The following SRP68 variants were observed in gnomAD, a reference collection of about 807,000 sequenced individuals.
SRP68 encodes the protein signal recognition particle 68.
SRP68 carries 15 observed loss-of-function variants against 82.2 expected under a neutral mutation model. The ratio of observed to expected loss-of-function variants is 0.18; its 90% CI spans 0.12 to 0.28. The LOEUF is 0.28. Ranked by LOEUF, SRP68 falls within the 10% of genes least tolerant of loss-of-function variation. The pLI, the probability that SRP68 is intolerant of heterozygous loss-of-function variation, is 1.00. For synonymous variants in SRP68, 261 were observed against 292.6 expected (o/e 0.89, Z 1.10); for missense variants, 595 against 780.5 (o/e 0.76, Z 2.83).
At chr17:76,062,106 GA>G (rs2066756685) in intron 4 of SRP68, among the ~76,000 whole-genome samples, 1 of 151,982 alleles carries the variant, frequency 6.6e-6, no homozygotes, top group African/African-American at 2.4e-5. Context: ...CCAACATGGT[GA>G]AAACCTGTCT....
Position 76,040,662 on chromosome 17 carries a change from G to A in SRP68, c.1601-188C>T, listed in dbSNP as rs16968456. 3.8e-3 allele frequency: 2,611 copies of A among 684,670 alleles called. 61 individuals carry two copies. The Admixed American group carries it at 0.044, about 12-fold the overall frequency. 42.4% of individuals were successfully genotyped at this position (684,670 alleles called of 1,614,324 possible). On this transcript the variant is annotated intron_variant, in intron 14 of 15. Transcript: ENST00000307877. Reference sequence around the variant, plus strand: ...GATCAATCCCAGATCCAATGCCGTCGGCCCAGTGAAGCCAGCACAGTTGCA... The same window carrying A: ...GATCAATCCCAGATCCAATGCCGTCAGCCCAGTGAAGCCAGCACAGTTGCA...
chr17:76,058,258 A>G (rs2066726396), intron 7 of SRP68, among the ~76,000 whole-genome samples: 1 of 151,282 alleles, frequency 6.6e-6, no homozygotes. Flanking sequence ...AGTAGCTGGG[A>G]TTAGAGGCCT....
At position 76,069,313 on chromosome 17, in the gene SRP68, G is replaced by A. The variant is rs149958307; in HGVS notation, c.251+1065C>T. Among the ~76,000 whole-genome samples, 35 of 151,956 alleles carry A rather than the reference G, an allele frequency of 2.3e-4. No homozygotes were observed. The East Asian group carries it at 5.2e-3, about 23-fold the overall frequency. ...TGAGGCAGGAGAACTGCTTGAACCC[G>A]GAAGGCGGAGGTTGCAGTACACCGA... On this transcript the variant is annotated intron_variant, in intron 2 of 15. Transcript: ENST00000307877.
At chr17:76,052,736 G>A (rs1031765232) in intron 8 of SRP68, among the ~76,000 whole-genome samples, 2 of 151,194 alleles carry the variant, frequency 1.3e-5, no homozygotes, top group Non-Finnish European at 2.9e-5. Flanking sequence ...CCCGGGAGGC[G>A]GAGGTTTCAG....
chr17:76,069,943 G>A (rs1255834991), intron 2 of SRP68, among the ~76,000 whole-genome samples: 1 of 151,552 alleles, frequency 6.6e-6, no homozygotes, highest in African/African-American at 2.4e-5. Flanking sequence ...CAGGCATGGT[G>A]GCACATGCCT....
Position 76,060,355 on chromosome 17 carries a change from T to G in SRP68, c.790A>C (p.Arg264=). The change falls in exon 7 of 16, where the codon AGA becomes CGA. Residue 264 remains arginine, a synonymous_variant. Transcript: ENST00000307877. The part of the protein sequence containing the change: ...QSAINELMQM[R]LRSGGTEGLL... ...CCCTCAGTGCCCCCAGACCTCAATC[T>G]CATCTGCATGAGTTCATTGATGGCT... is the stretch of plus-strand genomic sequence containing the variant. 4.3e-6 allele frequency: 7 copies of G among 1,611,856 alleles called. No homozygotes were observed. Among genetic ancestry groups the G allele is most frequent in the Non-Finnish European group, 5.9e-6 (7 of 1,179,630 alleles).
rs2066774100 is a variant in SRP68 at position 76,062,740 on chromosome 17, T to TATATATAAA, written c.562-1167_562-1166insTTTATATAT. Among the ~76,000 whole-genome samples the TATATATAAA allele has an allele frequency of 1.8e-4, 4 of 21,906 alleles. 1 individual carries two copies. The highest frequency in any genetic ancestry group is 1.3e-3 in the African/African-American group (4 of 3,156). 14.4% of individuals were successfully genotyped at this position (21,906 alleles called of 152,430 possible). A position where few individuals can be genotyped will look rare whatever the true frequency, so the allele number is the denominator to read the frequency against. On this transcript the variant is annotated intron_variant, in intron 4 of 15. Transcript: ENST00000307877. ...ATATTATATTTATTTTATATATATA[T>TATATATAAA]ATATATATATATATATATATATATA...
At chr17:76,053,483 A>C in intron 8 of SRP68, 1 of 985,364 alleles carries the variant, frequency 1.0e-6, no homozygotes, top group African/African-American at 1.7e-5. Flanking sequence ...TCCTGTCGGT[A>C]GGGTACAGTT....
chr17:76,039,629 A>G lies in SRP68; in HGVS notation c.*77T>C, dbSNP rs1291547290. On this transcript the variant is annotated 3_prime_UTR_variant, in exon 16 of 16. Coordinates refer to ENST00000307877, the MANE Select transcript of SRP68 (RefSeq NM_014230.4). Reference sequence around the variant, plus strand: ...GGGCCAATGCAGACCTGGATTTAATATCATGGAACTTGCTGGGATTTTCTC... The same window carrying G: ...GGGCCAATGCAGACCTGGATTTAATGTCATGGAACTTGCTGGGATTTTCTC... 7.0e-7 allele frequency: 1 copy of G among 1,420,286 alleles called. No individual in the cohort carries two copies. The highest frequency in any genetic ancestry group is 9.7e-7 in the Non-Finnish European group (1 of 1,027,540). 88.0% of individuals were successfully genotyped at this position (1,420,286 alleles called of 1,614,324 possible).
In SRP68 at chr17:76,072,273, A is replaced by G. The variant is rs1044722110; in HGVS notation, c.184+35T>C. On this transcript the variant is annotated intron_variant, in intron 1 of 15. Transcript: ENST00000307877. The surrounding 1 kb of genome is among the most constrained non-coding windows in gnomAD (Gnocchi z 4.5). ...CCCCAGCCCTCCAGTTCGACACGTA[A>G]TCATTGCGAGTTAGGCCCGATTACT... 2 of 1,604,842 alleles carry G rather than the reference A, an allele frequency of 1.2e-6. No homozygotes were observed. Among genetic ancestry groups the G allele is most frequent in the Non-Finnish European group, 1.7e-6 (2 of 1,177,170 alleles).
intron 3 of SRP68, among the ~76,000 whole-genome samples, chr17:76,064,390 T>G (rs1300736666): frequency 6.6e-6 from 1 of 152,154 alleles, no homozygotes. Flanking sequence ...TAGACACATC[T>G]CATTGAAAAG....
At chr17:76,047,087 G>A (rs778515026) in intron 10 of SRP68, among the ~76,000 whole-genome samples, 4 of 152,190 alleles carry the variant, frequency 2.6e-5, no homozygotes, top group East Asian at 1.9e-4. Context: ...GGCAAGGGCC[G>A]CAGGGAGCTT....
chr17:76,043,622 T>C, intron 13 of SRP68: 1 of 367,774 alleles, frequency 2.7e-6, no homozygotes, highest in South Asian at 7.6e-5. Flanking sequence ...CCTTCCCTTC[T>C]TCATACCTAA....
chr17:76,044,685 C>CA (rs1329437143), intron 12 of SRP68: 8 of 152,404 alleles, frequency 5.2e-5, no homozygotes, highest in Admixed American at 5.2e-4. Context: ...AACACCCTTT[C>CA]AAGGCGTGCC....
intron 14 of SRP68, 107 bp from the exon 15 acceptor site, chr17:76,040,581 GC>G: frequency 9.0e-7 from 1 of 1,108,200 alleles, no homozygotes; most frequent in Non-Finnish European, 1.4e-6. Context: ...AGCAAAAGGA[GC>G]CAGCATGTGG....
rs2066788358 is a variant in SRP68, at chr17:76,064,003, C to T, written c.534G>A (p.Val178=). 1 of 1,613,842 alleles carries T rather than the reference C, an allele frequency of 6.2e-7. No individual in the cohort carries two copies. The highest frequency in any genetic ancestry group is 1.1e-5 in the South Asian group (1 of 91,060). ...GAGCCTCTAATTTGGTCTTGGCATC[C>T]ACGCGATTGCTCTCACACAAGCGTT... is the stretch of plus-strand genomic sequence containing the variant. ...ELERLCESNR[V]DAKTKLEAQA... Residue 178 remains valine (V), a synonymous_variant, in exon 4 of 16, where the codon GTG becomes GTA. Transcript: ENST00000307877.
At chr17:76,061,000 G>GC (rs2066748503) in intron 6 of SRP68, 110 bp downstream of exon 6, 1 of 740,856 alleles carries the variant, frequency 1.3e-6, no homozygotes. Context: ...AATGATGGAG[G>GC]CAAGCGAAGA....
intron 7 of SRP68, among the ~76,000 whole-genome samples, chr17:76,058,843 C>T (rs2066730356): frequency 6.6e-6 from 1 of 152,164 alleles, no homozygotes; most frequent in Non-Finnish European, 1.5e-5. Context: ...AGGACATGGA[C>T]ATTCATGGTA....
Position 76,071,979 on chromosome 17 carries a change from G to C in SRP68, c.184+329C>G. On this transcript the variant is annotated intron_variant, in intron 1 of 15. Coordinates refer to ENST00000307877, the MANE Select transcript of SRP68 (RefSeq NM_014230.4). This position sits in a 1 kb window ranked among gnomAD's most constrained non-coding sequence, Gnocchi z 4.7. ...GCAGTTTCCTCTCCCCAGTTCAGTG[G>C]CTCAAGGTGCCAAAGCAAGGTGCTC... 1 of 446,112 alleles carries C rather than the reference G, an allele frequency of 2.2e-6. No individual in the cohort carries two copies. Among genetic ancestry groups the C allele is most frequent in the Non-Finnish European group, 4.0e-6 (1 of 250,542 alleles). The allele number at this position is 446,112 out of a possible 1,614,324, so 27.6% of individuals were successfully genotyped here.
Sources: gnomAD v4.1 joint callset for allele counts (sites outside exome capture counted in the v4.1 genomes callset) on GRCh38, gnomAD v4.1.1 for gene constraint, Gnocchi (gnomAD v3.1) non-coding constraint, MANE v1.5 for transcripts, NCBI Gene and HGNC (gene_info 2026-07-23, HGNC 2026-07-21) for gene names.